SRRM4: variants seen among roughly 807,000 people sequenced by gnomAD.
The protein encoded by SRRM4 is serine/arginine repetitive matrix 4.
SRRM4 carries 33 observed loss-of-function variants against 68.9 expected under a neutral mutation model. The observed-to-expected ratio is 0.48, with a 90% confidence interval of 0.36 to 0.64. SRRM4 has a LOEUF of 0.64. Ranked by LOEUF, SRRM4 falls within the 30% of genes least tolerant of loss-of-function variation. The pLI, the probability that SRRM4 is intolerant of heterozygous loss-of-function variation, is 0.00. For synonymous variants in SRRM4, 318 were observed against 318.8 expected (o/e 1.00, Z 0.03); for missense variants, 817 against 827.1 (o/e 0.99, Z 0.15).
At chr12:119,038,605 G>GT (rs1953645288) in intron 1 of SRRM4, among the ~76,000 whole-genome samples, 1 of 152,180 alleles carries the variant, frequency 6.6e-6, no homozygotes, top group South Asian at 2.1e-4. Context: ...GCAGATAGTT[G>GT]TTCTCAACTC....
chr12:119,026,983 A>C (rs1953552845), intron 1 of SRRM4, among the ~76,000 whole-genome samples: 1 of 152,214 alleles, frequency 6.6e-6, no homozygotes, highest in South Asian at 2.1e-4. Context: ...AGTCTGCTCA[A>C]GAGGCTTTGG....
At chr12:118,982,669 G>GTTTTTTTTTTT (rs10533651) in intron 1 of SRRM4, among the ~76,000 whole-genome samples, 31 of 115,686 alleles carry the variant, frequency 2.7e-4, no homozygotes, top group African/African-American at 5.0e-4. Flanking sequence ...GTTTTATTTT[G>GTTTTTTTTTTT]TTTTTTTTTG....
intron 11 of SRRM4, 131 bp downstream of exon 11, chr12:119,153,780 C>T (rs1592919028): frequency 1.7e-5 from 11 of 663,518 alleles, no homozygotes; most frequent in Admixed American, 5.2e-5. Flanking sequence ...AGCATTCTTA[C>T]AGTTCCCTTT....
At chr12:119,010,275 ACTC>A (rs1953441106) in intron 1 of SRRM4, among the ~76,000 whole-genome samples, 1 of 151,830 alleles carries the variant, frequency 6.6e-6, no homozygotes, top group Non-Finnish European at 1.5e-5. Flanking sequence ...CTCGTTGTGA[ACTC>A]CTGGCCTCAA....
chr12:118,981,748 CTCCG>C lies in SRRM4; in HGVS notation c.-134_-131del. 1 of 874,262 alleles carries C rather than the reference CTCCG, an allele frequency of 1.1e-6. No individual in the cohort carries two copies. The highest frequency in any genetic ancestry group is 1.7e-6 in the Non-Finnish European group (1 of 602,324). The allele number at this position is 874,262 out of a possible 1,614,324, so 54.2% of individuals were successfully genotyped here. On this transcript the variant is annotated 5_prime_UTR_variant, in exon 1 of 13. Coordinates refer to ENST00000267260, the MANE Select transcript of SRRM4 (RefSeq NM_194286.4). The stretch of plus-strand genomic sequence containing the variant: ...GGGGCGTCCCATCCCCCGCCCTGAA[CTCCG>C]ATCTCTCCCACCCCACCCCTCTCTG...
chr12:119,144,362 A>G (rs1954387344), intron 8 of SRRM4, among the ~76,000 whole-genome samples: 2 of 152,214 alleles, frequency 1.3e-5, no homozygotes, highest in Non-Finnish European at 2.9e-5. Context: ...GACAAAACCA[A>G]AACAGAATTG....
Position 119,156,482 on chromosome 12 carries a change from C to G in SRRM4, c.1533-13C>G. On this transcript the variant is annotated splice_polypyrimidine_tract_variant and intron_variant, in intron 12 of 12. Coordinates refer to ENST00000267260, the MANE Select transcript of SRRM4 (RefSeq NM_194286.4). Reference sequence around the variant, plus strand: ...GGGCCGGCCCTCATCCCTCCTCTCTCTGGTCTCTGCAGTGCCCGGAAACGC... The same window carrying G: ...GGGCCGGCCCTCATCCCTCCTCTCTGTGGTCTCTGCAGTGCCCGGAAACGC... The G allele has an allele frequency of 1.9e-6, 3 of 1,583,038 alleles. No individual in the cohort carries two copies. Among genetic ancestry groups the G allele is most frequent in the Non-Finnish European group, 1.7e-6 (2 of 1,163,472 alleles).
At chr12:118,993,662 C>A (rs546045020) in intron 1 of SRRM4, among the ~76,000 whole-genome samples, 1 of 152,254 alleles carries the variant, frequency 6.6e-6, no homozygotes, top group African/African-American at 2.4e-5. Context: ...CCTTGACAAC[C>A]AGAAGAAGTA....
chr12:118,984,012 A>G (rs1953266403), intron 1 of SRRM4, among the ~76,000 whole-genome samples: 1 of 151,522 alleles, frequency 6.6e-6, no homozygotes, highest in South Asian at 2.1e-4. Context: ...CCCTGGATTT[A>G]TGTCACGCTA....
At chr12:119,134,475 T>C (rs1466129823) in intron 8 of SRRM4, among the ~76,000 whole-genome samples, 3 of 151,224 alleles carry the variant, frequency 2.0e-5, no homozygotes, top group African/African-American at 4.9e-5. Flanking sequence ...TGCTGCAATA[T>C]AGTGTGATCA....
intron 9 of SRRM4, among the ~76,000 whole-genome samples, chr12:119,146,665 G>A (rs191065897): frequency 2.0e-5 from 3 of 151,930 alleles, no homozygotes; most frequent in Non-Finnish European, 2.9e-5. Context: ...GGCCAGGTGC[G>A]GTGGCTCACG....
At chr12:119,133,393 A>C (rs1463971986) in intron 8 of SRRM4, among the ~76,000 whole-genome samples, 1 of 152,186 alleles carries the variant, frequency 6.6e-6, no homozygotes, top group Non-Finnish European at 1.5e-5. Context: ...TAGTAGTCAT[A>C]GTAATAGTAG....
At chr12:119,103,985 AGAGT>A (rs1198514799) in intron 2 of SRRM4, among the ~76,000 whole-genome samples, 1 of 141,110 alleles carries the variant, frequency 7.1e-6, no homozygotes, top group African/African-American at 2.6e-5. Flanking sequence ...CCTGGGCGAC[AGAGT>A]GAGACTCCGT....
intron 1 of SRRM4, among the ~76,000 whole-genome samples, chr12:119,037,772 A>G (rs148578201): frequency 5.9e-5 from 9 of 152,348 alleles, no homozygotes; most frequent in Non-Finnish European, 1.0e-4. Flanking sequence ...GCTTCTAAGC[A>G]GTCAAGGCCA....
chr12:118,997,071 T>C (rs1953354283), intron 1 of SRRM4, among the ~76,000 whole-genome samples: 1 of 152,146 alleles, frequency 6.6e-6, no homozygotes, highest in Admixed American at 6.5e-5. Flanking sequence ...AGCAAGAAGG[T>C]TATCCATGAA....
chr12:119,016,449 G>A (rs1403981418), intron 1 of SRRM4, among the ~76,000 whole-genome samples: 1 of 147,342 alleles, frequency 6.8e-6, no homozygotes, highest in Non-Finnish European at 1.5e-5. Flanking sequence ...TCAATACGAT[G>A]TAATTAAAAA....
intron 1 of SRRM4, among the ~76,000 whole-genome samples, chr12:118,985,857 A>C (rs999588967): frequency 1.3e-5 from 2 of 152,226 alleles, no homozygotes; most frequent in African/African-American, 4.8e-5. Flanking sequence ...CTTAATGAAC[A>C]TGTAAAAATC....
chr12:119,092,708 G>A (rs868838387), intron 1 of SRRM4, among the ~76,000 whole-genome samples: 8 of 151,868 alleles, frequency 5.3e-5, no homozygotes, highest in South Asian at 2.1e-4. Context: ...CTGGTCTTCC[G>A]TATCTATTCC....
intron 1 of SRRM4, among the ~76,000 whole-genome samples, chr12:119,101,887 CTA>C (rs1954079587): frequency 7.0e-6 from 1 of 143,822 alleles, no homozygotes; most frequent in Non-Finnish European, 1.6e-5. Flanking sequence ...ACAAATAAAC[CTA>C]CATCAAAGTG....
Sources: allele counts gnomAD v4.1 joint callset (sites outside exome capture counted in the v4.1 genomes callset), GRCh38; gene constraint gnomAD v4.1.1; transcripts MANE v1.5; gene names NCBI Gene and HGNC (gene_info 2026-07-23, HGNC 2026-07-21).